Variants in PTAR1 observed in about 807,000 individuals in gnomAD.
PTAR1 encodes the protein protein prenyltransferase alpha subunit repeat-containing protein 1.
A neutral mutation model predicts 45.5 loss-of-function variants in PTAR1; 17 were observed. The ratio of observed to expected loss-of-function variants is 0.37; its 90% CI spans 0.26 to 0.56. The LOEUF (loss-of-function observed/expected upper bound fraction) is 0.56. Ranked by LOEUF, PTAR1 falls within the 20% of genes least tolerant of loss-of-function variation. PTAR1 has a pLI of 0.77. For synonymous variants in PTAR1, 169 were observed against 171.3 expected, an observed-to-expected ratio of 0.99 and a Z score of 0.11; for missense variants, 391 against 476.3, an observed-to-expected ratio of 0.82 and a Z score of 1.67.
chr9:69,751,585 T>G (rs1826536377), intron 1 of PTAR1, among the ~76,000 whole-genome samples: 1 of 152,086 alleles, frequency 6.6e-6, no homozygotes, highest in Non-Finnish European at 1.5e-5. Flanking sequence ...GGAAGGATTT[T>G]ATTTTTATAC....
chr9:69,732,616 A>T (rs1265615458), intron 4 of PTAR1, among the ~76,000 whole-genome samples: 2 of 152,140 alleles, frequency 1.3e-5, no homozygotes, highest in Non-Finnish European at 2.9e-5. Flanking sequence ...GAATGTCATT[A>T]CTTCTAAAAT....
intron 2 of PTAR1, among the ~76,000 whole-genome samples, chr9:69,747,399 A>G (rs1017882496): frequency 6.6e-6 from 1 of 152,248 alleles, no homozygotes; most frequent in Non-Finnish European, 1.5e-5. Flanking sequence ...ACATTAAGAC[A>G]TGAGCCTGGC....
chr9:69,728,001 C>T (rs1825364432), intron 5 of PTAR1, among the ~76,000 whole-genome samples: 2 of 152,218 alleles, frequency 1.3e-5, no homozygotes, highest in African/African-American at 4.8e-5. Flanking sequence ...CTGGCACCCA[C>T]TAACCTGCTT....
chr9:69,750,182 A>T (rs1315949312), intron 2 of PTAR1, among the ~76,000 whole-genome samples: 1 of 152,044 alleles, frequency 6.6e-6, no homozygotes, highest in Non-Finnish European at 1.5e-5. Context: ...ATGCAGTAAA[A>T]AAAAAAACTG....
rs894648843 is a variant in PTAR1, at chr9:69,722,893, C to G, written c.947+433G>C. 1.4e-5 allele frequency among the ~76,000 whole-genome samples: 2 copies of G among 147,264 alleles called. 1 individual carries two copies. The highest frequency in any genetic ancestry group is 4.3e-4 in the South Asian group (2 of 4,624). On this transcript the variant is annotated intron_variant, in intron 6 of 7. Transcript: ENST00000340434. ...GGCCGAGATTGCAGTGAGCCGAGAT[C>G]GCGCTATTGCACTCCAGCCTGGGCA...
At chr9:69,756,180 T>C (rs1459046202) in intron 1 of PTAR1, among the ~76,000 whole-genome samples, 2 of 152,234 alleles carry the variant, frequency 1.3e-5, no homozygotes, top group African/African-American at 4.8e-5. Context: ...CCTTTCATCA[T>C]TCTTTACTAA....
intron 1 of PTAR1, among the ~76,000 whole-genome samples, chr9:69,754,984 T>G (rs1189512625): frequency 1.3e-5 from 2 of 152,164 alleles, no homozygotes; most frequent in Middle Eastern, 3.2e-3. Flanking sequence ...TTTGATATTT[T>G]TAATGGTTGC....
At chr9:69,731,666 C>T (rs1165224901) in intron 5 of PTAR1, among the ~76,000 whole-genome samples, 1 of 152,144 alleles carries the variant, frequency 6.6e-6, no homozygotes, top group Non-Finnish European at 1.5e-5. Context: ...ACTTAGGAAT[C>T]CCCAGGTAAT....
At chr9:69,741,589 A>G (rs1243940521) in intron 3 of PTAR1, 1 of 548,766 alleles carries the variant, frequency 1.8e-6, no homozygotes, top group Non-Finnish European at 3.3e-6. Context: ...GACAATTTAT[A>G]TTTCAGGCAA....
Position 69,732,447 on chromosome 9 carries a change from CAG to C in PTAR1, c.429-97_429-96del, listed in dbSNP as rs201208102. 682 of 885,832 alleles carry C rather than the reference CAG, an allele frequency of 7.7e-4. 3 individuals are homozygous for C. In the African/African-American group the frequency reaches 9.4e-3, roughly 12 times the overall value. The allele number at this position is 885,832 out of a possible 1,614,324, so 54.9% of individuals were successfully genotyped here. A position where few individuals can be genotyped will look rare whatever the true frequency, so the allele number is the denominator to read the frequency against. ...CATTGTTCCTAATTTAATTTCCATTCAGAGACAATGCAAAATAATACCTGTTT... is the reference window on the plus strand; with the variant it reads ...CATTGTTCCTAATTTAATTTCCATTCAGACAATGCAAAATAATACCTGTTT... On this transcript the variant is annotated intron_variant, in intron 4 of 7. Coordinates refer to ENST00000340434, the MANE Select transcript of PTAR1 (RefSeq NM_001099666.2).
At position 69,750,894 on chromosome 9, in the gene PTAR1, A is replaced by G; in HGVS notation, c.143T>C (p.Val48Ala). The change falls in exon 2 of 8, where the codon GTC becomes GCC. Residue 48 changes from valine to alanine, a missense_variant. Coordinates refer to ENST00000340434, the MANE Select transcript of PTAR1 (RefSeq NM_001099666.2). ...CACACCCAGTTTGTTTTCAACCAGG[A>G]CTATGGGACTCCGGTTATACCTAGC... ...PEARYNRSPI[V>A]LVENKLGVES... 1 of 1,609,958 alleles carries G rather than the reference A, an allele frequency of 6.2e-7. No individual in the cohort carries two copies. Among genetic ancestry groups the G allele is most frequent in the Non-Finnish European group, 8.5e-7 (1 of 1,177,728 alleles).
At chr9:69,756,835 T>C (rs1384701589) in intron 1 of PTAR1, among the ~76,000 whole-genome samples, 1 of 152,048 alleles carries the variant, frequency 6.6e-6, no homozygotes, top group Non-Finnish European at 1.5e-5. Context: ...ATGCAGTTAG[T>C]CTTAGGTCTC....
At chr9:69,733,674 CTCTG>C (rs1451431540) in intron 4 of PTAR1, among the ~76,000 whole-genome samples, 1 of 152,164 alleles carries the variant, frequency 6.6e-6, no homozygotes, top group Non-Finnish European at 1.5e-5. Flanking sequence ...CCTCAGCTTT[CTCTG>C]TAAGTTAATT....
chr9:69,758,842 A>C (rs1379784832), intron 1 of PTAR1: 2 of 86,468 alleles, frequency 2.3e-5, no homozygotes, highest in Admixed American at 3.1e-4. Context: ...ATTAAATAAT[A>C]ATAAAAAATA....
rs1825728907 is a variant in PTAR1, at chr9:69,735,168, G to A, written c.324-914C>T. On this transcript the variant is annotated intron_variant, in intron 3 of 7. Transcript: ENST00000340434. Reference sequence around the variant, plus strand: ...GCAGCAGAAGTAATAGCAATGTAATGTTTTGGTTGTTTTTAAAACTGTTCA... The same window carrying A: ...GCAGCAGAAGTAATAGCAATGTAATATTTTGGTTGTTTTTAAAACTGTTCA... 2.0e-5 allele frequency among the ~76,000 whole-genome samples: 3 copies of A among 152,150 alleles called. No individual in the cohort carries two copies. The South Asian group carries it at 6.2e-4, about 31-fold the overall frequency.
chr9:69,748,759 T>C (rs759330852), intron 2 of PTAR1, among the ~76,000 whole-genome samples: 18 of 152,158 alleles, frequency 1.2e-4, no homozygotes, highest in Non-Finnish European at 2.1e-4. Flanking sequence ...CTTAGCAAGA[T>C]TCACCTCTGT....
At chr9:69,747,656 G>C (rs1002559806) in intron 2 of PTAR1, among the ~76,000 whole-genome samples, 1 of 152,200 alleles carries the variant, frequency 6.6e-6, no homozygotes. Flanking sequence ...GTTACGAAGA[G>C]TAGAGGCTGT....
rs377203202 is a variant in PTAR1, at chr9:69,718,640, G to A, written c.982+10C>T. 65 of 1,606,408 alleles carry A rather than the reference G, an allele frequency of 4.0e-5. No homozygotes were observed. Among genetic ancestry groups the A allele is most frequent in the Non-Finnish European group, 5.4e-5 (64 of 1,175,906 alleles). ...AGGTGACAACTGGGTCATGCTGTGA[G>A]GAAACCTACCATTTAAGTGATGCTG... On this transcript the variant is annotated intron_variant, in intron 7 of 7. Coordinates refer to ENST00000340434, the MANE Select transcript of PTAR1 (RefSeq NM_001099666.2).
At chr9:69,726,268 T>C (rs1825274289) in intron 5 of PTAR1, among the ~76,000 whole-genome samples, 1 of 152,154 alleles carries the variant, frequency 6.6e-6, no homozygotes. Flanking sequence ...AGAGTTTATT[T>C]TTAAGAAAAA....
Sources: gnomAD v4.1 joint callset for allele counts (sites outside exome capture counted in the v4.1 genomes callset) on GRCh38, gnomAD v4.1.1 for gene constraint, MANE v1.5 for transcripts, NCBI Gene and HGNC (gene_info 2026-07-23, HGNC 2026-07-21) for gene names.